The following TNNI3 variants were observed in gnomAD, a reference collection of about 807,000 sequenced individuals.
TNNI3 encodes troponin I, cardiac muscle.
In TNNI3, 23 loss-of-function variants were observed where a neutral mutation model predicts 31.5. The observed-to-expected ratio is 0.73, with a 90% confidence interval of 0.52 to 1.03. TNNI3 has a LOEUF of 1.03. TNNI3 is among the 50% of genes least tolerant of loss of function. The pLI, the probability that TNNI3 is intolerant of heterozygous loss-of-function variation, is 0.00. For missense variants in TNNI3, 236 were observed against 282.9 expected (o/e 0.83, Z 1.19); for synonymous variants, 120 against 111.7 (o/e 1.07, Z -0.47).
Position 55,157,574 on chromosome 19 carries a change from C to A in TNNI3, c.11+5G>T. 6.2e-7 allele frequency: 1 copy of A among 1,614,042 alleles called. No individual in the cohort carries two copies. Among genetic ancestry groups the A allele is most frequent in the Non-Finnish European group, 8.5e-7 (1 of 1,179,964 alleles). Reference sequence around the variant, plus strand: ...CAACTCCCACTGCCTTGGGGCATCACTCACCCATCCGCCATGCTGAGACTC... The same window carrying A: ...CAACTCCCACTGCCTTGGGGCATCAATCACCCATCCGCCATGCTGAGACTC... On this transcript the variant is annotated splice_donor_5th_base_variant and intron_variant, in intron 1 of 7. Transcript: ENST00000344887. This position sits in a 1 kb window ranked among gnomAD's most constrained non-coding sequence, Gnocchi z 6.3.
intron 7 of TNNI3, among the ~76,000 whole-genome samples, chr19:55,153,325 T>C (rs910591325): frequency 3.7e-4 from 56 of 152,060 alleles, no homozygotes; most frequent in African/African-American, 1.3e-3. Flanking sequence ...GGAAAAAAAA[T>C]TACATATAGG....
Position 55,156,756 on chromosome 19 carries a change from C to T in TNNI3, c.109-112G>A, listed in dbSNP as rs772524690. ...CCCAGCCGGTCCAGATTTGGGCCCA[C>T]GTCCAACTTGAGCCCTGAGTCTACG... On this transcript the variant is annotated intron_variant, in intron 3 of 7. Coordinates refer to ENST00000344887, the MANE Select transcript of TNNI3 (RefSeq NM_000363.5). This position sits in a 1 kb window ranked among gnomAD's most constrained non-coding sequence, Gnocchi z 4.6. 5.6e-6 allele frequency: 7 copies of T among 1,246,616 alleles called. No homozygotes were observed. The highest frequency in any genetic ancestry group is 8.0e-6 in the Non-Finnish European group (7 of 869,774). 77.2% of individuals were successfully genotyped at this position (1,246,616 alleles called of 1,614,324 possible).
chr19:55,153,990 C>T (rs1721644341), intron 7 of TNNI3, 40 bp downstream of exon 7: 1 of 1,609,198 alleles, frequency 6.2e-7, no homozygotes, highest in African/African-American at 1.3e-5. Context: ...CACAGCCCTT[C>T]CCCTCAGCAT....
chr19:55,156,366 CG>C lies in TNNI3; in HGVS notation c.151-35del. 3 of 1,596,716 alleles carry C rather than the reference CG, an allele frequency of 1.9e-6. No individual in the cohort carries two copies. The highest frequency in any genetic ancestry group is 1.3e-5 in the African/African-American group (1 of 74,870). ...GGGTGGGAGGGAAGCGCAGCCCACCCGGGGCTTCAGGATAAAGACCAGGCGT... is the reference window on the plus strand; with the variant it reads ...GGGTGGGAGGGAAGCGCAGCCCACCCGGGCTTCAGGATAAAGACCAGGCGT... On this transcript the variant is annotated intron_variant, in intron 4 of 7. Transcript: ENST00000344887. This position sits in a 1 kb window ranked among gnomAD's most constrained non-coding sequence, Gnocchi z 4.6.
Position 55,154,162 on chromosome 19 carries a change from A to G in TNNI3, c.417T>C (p.Phe139=), listed in dbSNP as rs1371643118. The change falls in exon 7 of 8, where the codon TTT becomes TTC. Residue 139 remains phenylalanine, a synonymous_variant. Transcript: ENST00000344887. ...TQKIFDLRGK[F]KRPTLRRVRI... ...TCACTCTCCGCAGGGTGGGCCGCTTAAACTTGCCTCGAAGGTCAAAGATCT... is the reference window on the plus strand; with the variant it reads ...TCACTCTCCGCAGGGTGGGCCGCTTGAACTTGCCTCGAAGGTCAAAGATCT... 4 of 1,613,166 alleles carry G rather than the reference A, an allele frequency of 2.5e-6. No homozygotes were observed. In the South Asian group the frequency reaches 3.3e-5, roughly 13 times the overall value.
Position 55,152,051 on chromosome 19 carries a change from G to C in TNNI3, c.550-134C>G. 1.3e-6 allele frequency: 1 copy of C among 789,158 alleles called. No individual in the cohort carries two copies. The highest frequency in any genetic ancestry group is 2.2e-6 in the Non-Finnish European group (1 of 463,746). 48.9% of individuals were successfully genotyped at this position (789,158 alleles called of 1,614,324 possible). ...AGTATCTAGTTCTGGAGCACTTCCT[G>C]TCTTTTCAAGATAATCCCTGCCAAT... On this transcript the variant is annotated intron_variant, in intron 7 of 7. Transcript: ENST00000344887. This position sits in a 1 kb window ranked among gnomAD's most constrained non-coding sequence, Gnocchi z 4.0.
At chr19:55,154,550 G>A in intron 6 of TNNI3, 191 bp downstream of exon 6, 5 of 675,908 alleles carry the variant, frequency 7.4e-6, no homozygotes, top group South Asian at 6.6e-5. Flanking sequence ...TGCATGTGCT[G>A]TTCCCTCTGC....
rs1394531956 is a variant in TNNI3, at chr19:55,154,045, C to T, written c.534G>A (p.Lys178=). The change falls in exon 7 of 8, where the codon AAG becomes AAA. Residue 178 remains lysine (K), a synonymous_variant. Coordinates refer to ENST00000344887, the MANE Select transcript of TNNI3 (RefSeq NM_000363.5). Reference sequence around the variant, plus strand: ...CCACACTCACCTTCTCGGTGTCCTCCTTCTTCACCTGCTTGAGGTGGGCCC... The same window carrying T: ...CCACACTCACCTTCTCGGTGTCCTCTTTCTTCACCTGCTTGAGGTGGGCCC... The part of the protein sequence containing the change: ...DLRAHLKQVK[K]EDTEKENREV... 2 of 1,612,164 alleles carry T rather than the reference C, an allele frequency of 1.2e-6. No individual in the cohort carries two copies. Among genetic ancestry groups the T allele is most frequent in the Non-Finnish European group, 1.7e-6 (2 of 1,179,994 alleles).
chr19:55,153,523 G>A (rs375424373), intron 7 of TNNI3, among the ~76,000 whole-genome samples: 3 of 151,894 alleles, frequency 2.0e-5, no homozygotes, highest in East Asian at 3.9e-4. Context: ...CCACCACCGT[G>A]ACTGGCTAAT....
intron 5 of TNNI3, 74 bp from the exon 6 acceptor site, chr19:55,154,904 G>C (rs2085717580): frequency 2.2e-6 from 3 of 1,357,378 alleles, no homozygotes; most frequent in South Asian, 2.4e-5. Context: ...GTCTGAGGGA[G>C]AAGGGGCTCG....
Position 55,156,473 on chromosome 19 carries a change from C to T in TNNI3, c.150+130G>A. ...CCCCGTCCCACCCCGAGCAGTACTC[C>T]CCGCTAAAGCCACGCCCCGAGCGGC... On this transcript the variant is annotated intron_variant, in intron 4 of 7. Transcript: ENST00000344887. The surrounding 1 kb of genome is among the most constrained non-coding windows in gnomAD (Gnocchi z 4.6). The T allele has an allele frequency of 1.3e-6, 2 of 1,503,866 alleles. No homozygotes were observed. The highest frequency in any genetic ancestry group is 1.8e-6 in the Non-Finnish European group (2 of 1,110,870). The allele number at this position is 1,503,866 out of a possible 1,614,324, so 93.2% of individuals were successfully genotyped here.
At chr19:55,153,331 A>G (rs1311236419) in intron 7 of TNNI3, among the ~76,000 whole-genome samples, 1 of 152,060 alleles carries the variant, frequency 6.6e-6, no homozygotes, top group Non-Finnish European at 1.5e-5. Flanking sequence ...AAAATTACAT[A>G]TAGGGTTCAG....
rs2147285907 is a variant in TNNI3, at chr19:55,157,060, G to A, written c.98C>T (p.Pro33Leu). 1 of 1,594,438 alleles carries A rather than the reference G, an allele frequency of 6.3e-7. No homozygotes were observed. Among genetic ancestry groups the A allele is most frequent in the Non-Finnish European group, 8.5e-7 (1 of 1,173,206 alleles). The change falls in exon 3 of 8, where the codon CCG becomes CTG. Residue 33 changes from proline (P) to leucine (L), a missense_variant. Pro to Leu is a moderately conservative substitution (Grantham distance 98). This residue lies in a region of TNNI3 where 172 missense variants were observed against 171.8 expected (regional missense o/e 1.00). Transcript: ENST00000344887. The surrounding 1 kb of genome is among the most constrained non-coding windows in gnomAD (Gnocchi z 6.3). ...GAAGCCCCGTCCCACCTTGGCGTGC[G>A]GCTCCGTGGCATAAGCGCGGTAGTT... Reference protein sequence around the residue: ...SSNYRAYATEPHAKKKSKISA... With the variant: ...SSNYRAYATELHAKKKSKISA...
In TNNI3 at chr19:55,154,665, C is replaced by T. The variant is rs995900061; in HGVS notation, c.372+76G>A. 5 of 1,324,914 alleles carry T rather than the reference C, an allele frequency of 3.8e-6. No individual in the cohort carries two copies. In the African/African-American group the frequency reaches 4.3e-5, roughly 11 times the overall value. 82.1% of individuals were successfully genotyped at this position (1,324,914 alleles called of 1,614,324 possible). A position where few individuals can be genotyped will look rare whatever the true frequency, so the allele number is the denominator to read the frequency against. ...TGGGATGTGCAGCCAAAAGCAGCTGCAAGGGGTCAGGCAGAGACCAAGTCC... is the reference window on the plus strand; with the variant it reads ...TGGGATGTGCAGCCAAAAGCAGCTGTAAGGGGTCAGGCAGAGACCAAGTCC... On this transcript the variant is annotated intron_variant, in intron 6 of 7. Coordinates refer to ENST00000344887, the MANE Select transcript of TNNI3 (RefSeq NM_000363.5).
chr19:55,156,712 T>C lies in TNNI3; in HGVS notation c.109-68A>G. 4 of 1,518,850 alleles carry C rather than the reference T, an allele frequency of 2.6e-6. No individual in the cohort carries two copies. Among genetic ancestry groups the C allele is most frequent in the Non-Finnish European group, 3.6e-6 (4 of 1,117,424 alleles). The allele number at this position is 1,518,850 out of a possible 1,614,324, so 94.1% of individuals were successfully genotyped here. A position where few individuals can be genotyped will look rare whatever the true frequency, so the allele number is the denominator to read the frequency against. Reference sequence around the variant, plus strand: ...TTCGGAGACGACGGTGGAGGGGACCTCAAGACACCCCCAGCAAACCCAGCC... The same window carrying C: ...TTCGGAGACGACGGTGGAGGGGACCCCAAGACACCCCCAGCAAACCCAGCC... On this transcript the variant is annotated intron_variant, in intron 3 of 7. Transcript: ENST00000344887. The surrounding 1 kb of genome is among the most constrained non-coding windows in gnomAD (Gnocchi z 4.6).
At position 55,152,984 on chromosome 19, in the gene TNNI3, C is replaced by T. The variant is rs1000664929; in HGVS notation, c.549+1046G>A. Among the ~76,000 whole-genome samples the T allele has an allele frequency of 2.6e-5, 4 of 152,024 alleles. No homozygotes were observed. The highest frequency in any genetic ancestry group is 9.7e-5 in the African/African-American group (4 of 41,394). ...CCAGCAAATGTTTGTATTTTTACTA[C>T]AGGTGGGGTTTCACTGTGTTGGCCA... On this transcript the variant is annotated intron_variant, in intron 7 of 7. Coordinates refer to ENST00000344887, the MANE Select transcript of TNNI3 (RefSeq NM_000363.5). This position sits in a 1 kb window ranked among gnomAD's most constrained non-coding sequence, Gnocchi z 4.0.
chr19:55,154,957 G>T, intron 5 of TNNI3, 127 bp from the exon 6 acceptor site: 1 of 789,828 alleles, frequency 1.3e-6, no homozygotes, highest in Non-Finnish European at 2.2e-6. Flanking sequence ...GGGGCTGGGG[G>T]CCTGGACTCC....
rs2085730720 is a variant in TNNI3 at position 55,156,458 on chromosome 19, C to T, written c.151-126G>A. On this transcript the variant is annotated intron_variant, in intron 4 of 7. Transcript: ENST00000344887. This position sits in a 1 kb window ranked among gnomAD's most constrained non-coding sequence, Gnocchi z 4.6. The stretch of plus-strand genomic sequence containing the variant: ...TCCACTGTTCCAAGGCCCCGTCCCA[C>T]CCCGAGCAGTACTCCCCGCTAAAGC... 2 of 1,504,334 alleles carry T rather than the reference C, an allele frequency of 1.3e-6. No individual in the cohort carries two copies. The highest frequency in any genetic ancestry group is 2.0e-5 in the Admixed American group (1 of 50,610). 93.2% of individuals were successfully genotyped at this position (1,504,334 alleles called of 1,614,324 possible).
In TNNI3 at chr19:55,154,221, G is replaced by A. The variant is rs192630178; in HGVS notation, c.373-15C>T. On this transcript the variant is annotated splice_polypyrimidine_tract_variant and intron_variant, in intron 6 of 7. Coordinates refer to ENST00000344887, the MANE Select transcript of TNNI3 (RefSeq NM_000363.5). ...AGATCTGCAATCTGGGGGCACACGA[G>A]GGGGTGGGTACTTCTCCTTCCATTT... 8 of 1,609,660 alleles carry A rather than the reference G, an allele frequency of 5.0e-6. No individual in the cohort carries two copies. The highest frequency in any genetic ancestry group is 1.7e-5 in the Admixed American group (1 of 60,004).
Sources: allele counts gnomAD v4.1 joint callset (sites outside exome capture counted in the v4.1 genomes callset), GRCh38; gene constraint gnomAD v4.1.1; regional missense constraint gnomAD v4.1.1; non-coding constraint Gnocchi (gnomAD v3.1); transcripts MANE v1.5; gene names NCBI Gene and HGNC (gene_info 2026-07-23, HGNC 2026-07-21).